Variants in RTL4 observed in about 807,000 individuals in gnomAD.
RTL4 encodes the protein retrotransposon Gag-like protein 4.
RTL4 carries 4 observed loss-of-function variants against 5.3 expected under a neutral mutation model. The ratio of observed to expected loss-of-function variants is 0.75; its 90% CI spans 0.37 to 1.72. RTL4 has a LOEUF of 1.72. Among genes scored for constraint, RTL4 ranks in the 40% most tolerant of loss-of-function variants. The pLI, the probability that RTL4 is intolerant of heterozygous loss-of-function variation, is 0.04. For missense variants in RTL4, 260 were observed against 227.1 expected (o/e 1.14, Z -0.93); for synonymous variants, 98 against 87.3 (o/e 1.12, Z -0.68).
the RTL4 span, among the ~76,000 whole-genome samples, chrX:112,183,719 C>T: frequency 2.7e-5 from 3 of 111,842 alleles, no homozygotes; most frequent in African/African-American, 6.5e-5. Context: ...ATGTAGATGG[C>T]GGGTTGATGG....
the RTL4 span, among the ~76,000 whole-genome samples, chrX:112,161,788 TCTTC>T: frequency 0.076 from 5,688 of 75,289 alleles, 454 homozygotes; most frequent in Middle Eastern, 0.12. Flanking sequence ...AGGTTGCTTT[TCTTC>T]CTTCCTTCCT....
the RTL4 span, among the ~76,000 whole-genome samples, chrX:112,165,527 G>C: frequency 9.0e-6 from 1 of 111,399 alleles, no homozygotes. Context: ...ATTTCCTGCT[G>C]GGCCAAGACC....
At chrX:112,406,633 A>G in the RTL4 span, among the ~76,000 whole-genome samples, 1 of 110,923 alleles carries the variant, frequency 9.0e-6, no homozygotes, top group Non-Finnish European at 1.9e-5. Flanking sequence ...AGAGCCAGAG[A>G]ACTGGGGGAA....
At chrX:112,237,784 G>A in the RTL4 span, among the ~76,000 whole-genome samples, 6 of 112,111 alleles carry the variant, frequency 5.4e-5, no homozygotes, top group Admixed American at 9.5e-5. Flanking sequence ...AGCACCTAGC[G>A]TAGAGAAGGG....
At chrX:112,218,092 G>A in the RTL4 span, among the ~76,000 whole-genome samples, 2 of 111,691 alleles carry the variant, frequency 1.8e-5, no homozygotes, top group African/African-American at 3.3e-5. Flanking sequence ...AAACAAAAAC[G>A]GAAGTAGGGA....
chrX:112,313,254 GA>G, the RTL4 span, among the ~76,000 whole-genome samples: 2 of 109,993 alleles, frequency 1.8e-5, no homozygotes, highest in African/African-American at 6.6e-5. Flanking sequence ...ATGTTTTTTA[GA>G]AAAAAAATTG....
At chrX:112,162,078 A>G in the RTL4 span, among the ~76,000 whole-genome samples, 1 of 110,119 alleles carries the variant, frequency 9.1e-6, no homozygotes, top group Non-Finnish European at 1.9e-5. Flanking sequence ...ACACCGTTAC[A>G]TTTGCTATTT....
At chrX:112,271,575 A>C in the RTL4 span, among the ~76,000 whole-genome samples, 1 of 112,342 alleles carries the variant, frequency 8.9e-6, no homozygotes, top group Non-Finnish European at 1.9e-5. Flanking sequence ...AAAAGAAGGC[A>C]TACATAATTC....
the RTL4 span, among the ~76,000 whole-genome samples, chrX:112,312,302 G>T: frequency 9.0e-6 from 1 of 111,453 alleles, no homozygotes; most frequent in African/African-American, 3.3e-5. Context: ...AAATAAGATG[G>T]TATCTGTAAA....
At chrX:112,351,902 C>G in the RTL4 span, among the ~76,000 whole-genome samples, 1 of 111,431 alleles carries the variant, frequency 9.0e-6, no homozygotes, top group Admixed American at 9.6e-5. Context: ...GAATTTGATC[C>G]TGTCATTATG....
the RTL4 span, among the ~76,000 whole-genome samples, chrX:112,252,441 AAG>A: frequency 2.7e-5 from 3 of 112,142 alleles, no homozygotes; most frequent in Non-Finnish European, 5.6e-5. Flanking sequence ...GAGAATAATC[AAG>A]AGAGAAAGTC....
the RTL4 span, among the ~76,000 whole-genome samples, chrX:112,172,548 C>T: frequency 4.5e-5 from 5 of 111,090 alleles, no homozygotes; most frequent in Non-Finnish European, 7.5e-5. Context: ...TTTACACTGT[C>T]GGTGGGAATG....
chrX:112,402,965 G>A, the RTL4 span, among the ~76,000 whole-genome samples: 1 of 111,657 alleles, frequency 9.0e-6, no homozygotes, highest in Non-Finnish European at 1.9e-5. Flanking sequence ...AGAAGCGAAC[G>A]TCTTGAATTT....
the RTL4 span, among the ~76,000 whole-genome samples, chrX:112,324,992 T>C: frequency 1.8e-5 from 2 of 111,787 alleles, no homozygotes; most frequent in South Asian, 3.7e-4. Flanking sequence ...ACAAGCATTC[T>C]TATACACCAA....
the RTL4 span, among the ~76,000 whole-genome samples, chrX:112,337,635 C>T: frequency 1.8e-5 from 2 of 111,561 alleles, no homozygotes; most frequent in Non-Finnish European, 1.9e-5. Context: ...CTTGAATTTC[C>T]TTCAATGCTC....
chrX:112,202,008 T>C, the RTL4 span, among the ~76,000 whole-genome samples: 1 of 110,718 alleles, frequency 9.0e-6, no homozygotes, highest in East Asian at 2.8e-4. Context: ...TGTTTACTTC[T>C]ATGCAGTTTC....
the RTL4 span, among the ~76,000 whole-genome samples, chrX:112,392,478 G>A: frequency 8.9e-6 from 1 of 111,812 alleles, no homozygotes; most frequent in Non-Finnish European, 1.9e-5. Flanking sequence ...GGGAGGTACG[G>A]ACCTGTTGCC....
At chrX:112,308,058 G>C in the RTL4 span, among the ~76,000 whole-genome samples, 1 of 111,516 alleles carries the variant, frequency 9.0e-6, no homozygotes, top group Non-Finnish European at 1.9e-5. Flanking sequence ...TTTGATATAA[G>C]CAAAAGTTGG....
the RTL4 span, among the ~76,000 whole-genome samples, chrX:112,274,397 A>C: frequency 8.9e-6 from 1 of 112,100 alleles, no homozygotes; most frequent in African/African-American, 3.2e-5. Context: ...TAAACACTTT[A>C]GGGGATTTGC....
Sources: allele counts gnomAD v4.1 joint callset (sites outside exome capture counted in the v4.1 genomes callset), GRCh38; gene constraint gnomAD v4.1.1; transcripts MANE v1.5; gene names NCBI Gene and HGNC (gene_info 2026-07-23, HGNC 2026-07-21).